CNTRL: variants seen among roughly 807,000 people sequenced by gnomAD.
CNTRL encodes 110 kDa centrosomal protein.
CNTRL carries 233 observed loss-of-function variants against 303.7 expected under a neutral mutation model. The observed-to-expected ratio is 0.77, with a 90% CI of 0.69 to 0.86. The LOEUF (loss-of-function observed/expected upper bound fraction) is 0.86. Among genes scored for constraint, CNTRL ranks in the 40% least tolerant of loss-of-function variants. CNTRL has a pLI of 0.00. For synonymous variants in CNTRL, 900 were observed against 922.2 expected, an observed-to-expected ratio of 0.98 and a Z score of 0.44; for missense variants, 2,524 against 2,650.6, an observed-to-expected ratio of 0.95 and a Z score of 1.05.
rs952759771 is a variant in CNTRL, at chr9:121,131,459, CT to C, written c.2026-4339del. Reference sequence around the variant, plus strand: ...TCAGAGACTAGGATTGCAGGCCCTGCTTTTTTTTGCTTTCCATTTGCTTGGT... The same window carrying C: ...TCAGAGACTAGGATTGCAGGCCCTGCTTTTTTTGCTTTCCATTTGCTTGGT... On this transcript the variant is annotated intron_variant, in intron 14 of 43. Coordinates refer to ENST00000373855, the MANE Select transcript of CNTRL (RefSeq NM_007018.6). Among the ~76,000 whole-genome samples the C allele has an allele frequency of 2.4e-4, 36 of 151,998 alleles. 2 individuals are homozygous for C. The highest frequency in any genetic ancestry group is 2.2e-3 in the Admixed American group (33 of 15,272).
rs761300541 is a variant in CNTRL at position 121,118,336 on chromosome 9, G to T, written c.1456-10G>T. 4 of 1,569,136 alleles carry T rather than the reference G, an allele frequency of 2.5e-6. No homozygotes were observed. The highest frequency in any genetic ancestry group is 3.5e-6 in the Non-Finnish European group (4 of 1,156,940). On this transcript the variant is annotated splice_polypyrimidine_tract_variant and intron_variant, in intron 11 of 43. Transcript: ENST00000373855. ...TCTGTTAATTATATATTGGGGTTTG[G>T]GGAGATTAGATTTCAGAAGCAGGGA...
At chr9:121,168,930 A>C (rs1013373607) in intron 38 of CNTRL, among the ~76,000 whole-genome samples, 5 of 152,130 alleles carry the variant, frequency 3.3e-5, no homozygotes, top group Admixed American at 6.5e-5. Context: ...CTCTTGATAT[A>C]CCCAGACCCA....
Position 121,146,245 on chromosome 9 carries a change from C to A in CNTRL, c.3448C>A (p.Pro1150Thr), listed in dbSNP as rs192079395. The A allele has an allele frequency of 6.2e-7, 1 of 1,608,864 alleles. No homozygotes were observed. Among genetic ancestry groups the A allele is most frequent in the African/African-American group, 1.3e-5 (1 of 74,572 alleles). Reference sequence around the variant, plus strand: ...CTATTGGTACTTTATGCCACCACCACCATCATCAAAAGTAGGAATTCTGTG... The same window carrying A: ...CTATTGGTACTTTATGCCACCACCAACATCATCAAAAGTAGGAATTCTGTG... ...RGYWYFMPPP[P>T]SSKVSSHSSQ... The change falls in exon 23 of 44, where the codon CCA becomes ACA. Residue 1150 changes from proline (P) to threonine (T), a missense_variant. Coordinates refer to ENST00000373855, the MANE Select transcript of CNTRL (RefSeq NM_007018.6).
At chr9:121,123,476 G>A (rs756068535) in intron 12 of CNTRL, among the ~76,000 whole-genome samples, 5 of 152,154 alleles carry the variant, frequency 3.3e-5, no homozygotes, top group African/African-American at 7.2e-5. Context: ...GCCCGCACCT[G>A]TAGTCCCAGG....
At chr9:121,168,402 T>C (rs2053177349) in intron 38 of CNTRL, 81 bp downstream of exon 38, 1 of 1,258,838 alleles carries the variant, frequency 7.9e-7, no homozygotes, top group Admixed American at 1.9e-5. Flanking sequence ...TTTAAAGAGA[T>C]CCGGACCCCA....
In CNTRL at chr9:121,165,113, A is replaced by C; in HGVS notation, c.5581+13A>C. 6.5e-7 allele frequency: 1 copy of C among 1,545,034 alleles called. No homozygotes were observed. Among genetic ancestry groups the C allele is most frequent in the Non-Finnish European group, 8.7e-7 (1 of 1,149,296 alleles). ...CAGCAGCTCCAAGGTATAAGGCAGC[A>C]AAACAGTGAAAGTGTGTGATTTCCT... is the stretch of plus-strand genomic sequence containing the variant. On this transcript the variant is annotated intron_variant, in intron 35 of 43. Coordinates refer to ENST00000373855, the MANE Select transcript of CNTRL (RefSeq NM_007018.6).
chr9:121,136,355 G>A (rs1278894916), intron 15 of CNTRL, among the ~76,000 whole-genome samples: 3 of 152,092 alleles, frequency 2.0e-5, no homozygotes, highest in South Asian at 4.1e-4. Flanking sequence ...CTGTTGCTAG[G>A]CTGGAGTACA....
At chr9:121,108,627 C>T (rs534082635) in intron 8 of CNTRL, among the ~76,000 whole-genome samples, 2 of 151,782 alleles carry the variant, frequency 1.3e-5, no homozygotes, top group Admixed American at 1.3e-4. Flanking sequence ...TTATTTTTAT[C>T]ATTAACCATT....
At position 121,151,634 on chromosome 9, in the gene CNTRL, G is replaced by A. The variant is rs532922990; in HGVS notation, c.3964-851G>A. Among the ~76,000 whole-genome samples the A allele has an allele frequency of 5.9e-5, 9 of 152,086 alleles. No homozygotes were observed. The East Asian group carries it at 1.4e-3, about 23-fold the overall frequency. ...CTCGAACTCCTGACCTTGAGTGATCGCCTGCCTGGACCTCCCAAAGTGCTG... is the reference window on the plus strand; with the variant it reads ...CTCGAACTCCTGACCTTGAGTGATCACCTGCCTGGACCTCCCAAAGTGCTG... On this transcript the variant is annotated intron_variant, in intron 25 of 43. Transcript: ENST00000373855.
chr9:121,156,275 A>G (rs1453720230), intron 27 of CNTRL, among the ~76,000 whole-genome samples: 1 of 152,288 alleles, frequency 6.6e-6, no homozygotes, highest in Non-Finnish European at 1.5e-5. Flanking sequence ...TAGTAAGTCA[A>G]CCAAGGCTGG....
At position 121,171,432 on chromosome 9, in the gene CNTRL, A is replaced by G. The variant is rs1372809781; in HGVS notation, c.6301A>G (p.Ile2101Val). The change falls in exon 40 of 44, where the codon ATA becomes GTA. Residue 2101 changes from isoleucine (I) to valine (V), a missense_variant. Transcript: ENST00000373855. ...GGAGCAAAAACAGGAGAACAGCTGC[A>G]TACAAAAGGAAATGGCAACAATTGA... ...LLEQKQENSC[I>V]QKEMATIELV... is the part of the protein sequence containing the mutation. 8 of 1,614,120 alleles carry G rather than the reference A, an allele frequency of 5.0e-6. No homozygotes were observed. The highest frequency in any genetic ancestry group is 1.7e-5 in the Admixed American group (1 of 60,024).
At chr9:121,167,974 T>C in intron 37 of CNTRL, 122 bp from the exon 38 acceptor site, 4 of 855,640 alleles carry the variant, frequency 4.7e-6, no homozygotes, top group Non-Finnish European at 7.1e-6. Flanking sequence ...ACCTCTGTAA[T>C]GGAATTGTCC....
At chr9:121,077,865 G>C (rs1408064805) in intron 1 of CNTRL, among the ~76,000 whole-genome samples, 3 of 152,064 alleles carry the variant, frequency 2.0e-5, no homozygotes, top group Non-Finnish European at 4.4e-5. Context: ...AGGATCACTT[G>C]AGCCCAGGAA....
intron 25 of CNTRL, chr9:121,152,275 A>G: frequency 3.8e-6 from 2 of 528,028 alleles, no homozygotes; most frequent in Non-Finnish European, 6.8e-6. Context: ...TTTCTCAGTC[A>G]TAGTTGGACT....
At chr9:121,077,242 T>C (rs915570061) in intron 1 of CNTRL, among the ~76,000 whole-genome samples, 13 of 152,044 alleles carry the variant, frequency 8.6e-5, no homozygotes, top group Admixed American at 7.2e-4. Context: ...GCTTTTTTTT[T>C]CTCTTTATCC....
At chr9:121,132,348 C>T (rs994844635) in intron 14 of CNTRL, among the ~76,000 whole-genome samples, 2 of 152,118 alleles carry the variant, frequency 1.3e-5, no homozygotes, top group Non-Finnish European at 2.9e-5. Context: ...TCTTTTTTCT[C>T]TAAACTTCTC....
At chr9:121,145,787 T>C (rs1404349697) in intron 22 of CNTRL, among the ~76,000 whole-genome samples, 2 of 151,954 alleles carry the variant, frequency 1.3e-5, no homozygotes, top group African/African-American at 4.8e-5. Context: ...ACCCAGCTAC[T>C]CGGGAAGGTG....
At chr9:121,144,712 C>A in intron 20 of CNTRL, 131 bp from the exon 21 acceptor site, 1 of 749,622 alleles carries the variant, frequency 1.3e-6, no homozygotes, top group Non-Finnish European at 2.4e-6. Flanking sequence ...GAAGGTGGGG[C>A]TTGGATGTCC....
In CNTRL at chr9:121,148,870, A is replaced by G. The variant is rs781285549; in HGVS notation, c.3649+9A>G. The G allele has an allele frequency of 5.6e-6, 9 of 1,608,704 alleles. No homozygotes were observed. The South Asian group carries it at 6.6e-5, about 12-fold the overall frequency. On this transcript the variant is annotated intron_variant, in intron 24 of 43. Coordinates refer to ENST00000373855, the MANE Select transcript of CNTRL (RefSeq NM_007018.6). The stretch of plus-strand genomic sequence containing the variant: ...ACTGTTTCCAAGTAGAGGTAAGTCA[A>G]ATCACATAGGAAAGTTGCATTTCTC...
Sources: allele counts gnomAD v4.1 joint callset (sites outside exome capture counted in the v4.1 genomes callset), GRCh38; gene constraint gnomAD v4.1.1; transcripts MANE v1.5; gene names NCBI Gene and HGNC (gene_info 2026-07-23, HGNC 2026-07-21).